Variants in RNF216 observed in about 807,000 individuals in gnomAD.
RNF216 encodes the protein E3 ubiquitin-protein ligase RNF216.
RNF216 carries 72 observed loss-of-function variants against 110.8 expected under a neutral mutation model. The observed-to-expected ratio is 0.65, with a 90% CI of 0.54 to 0.79. The LOEUF (loss-of-function observed/expected upper bound fraction) is 0.79. Ranked by LOEUF, RNF216 falls within the 30% of genes least tolerant of loss-of-function variation. The probability of loss-of-function intolerance (pLI) is 0.00; values close to 1 mark genes in which losing one functional copy is unlikely to be tolerated. For missense variants in RNF216, 1,342 were observed against 1,141.2 expected (o/e 1.18, Z -2.54); for synonymous variants, 495 against 407.5 (o/e 1.21, Z -2.59).
At chr7:5,757,257 T>G (rs966339302) in intron 2 of RNF216, among the ~76,000 whole-genome samples, 1 of 152,222 alleles carries the variant, frequency 6.6e-6, no homozygotes, top group South Asian at 2.1e-4. Context: ...CTGCCAATTT[T>G]TGCTTTGTAT....
At chr7:5,672,147 G>A (rs1789961277) in intron 13 of RNF216, among the ~76,000 whole-genome samples, 1 of 152,198 alleles carries the variant, frequency 6.6e-6, no homozygotes, top group Admixed American at 6.5e-5. Flanking sequence ...ATACATGTTG[G>A]AGACGTTAAG....
chr7:5,653,331 C>T (rs1788512466), intron 13 of RNF216, among the ~76,000 whole-genome samples: 1 of 152,068 alleles, frequency 6.6e-6, no homozygotes, highest in Admixed American at 6.6e-5. Context: ...TGGCTCACAC[C>T]TGTAATCCCA....
At position 5,652,490 on chromosome 7, in the gene RNF216, C is replaced by G; in HGVS notation, c.2082G>C (p.Gln694His). 1 of 1,613,646 alleles carries G rather than the reference C, an allele frequency of 6.2e-7. No individual in the cohort carries two copies. The highest frequency in any genetic ancestry group is 8.5e-7 in the Non-Finnish European group (1 of 1,179,586). The change falls in exon 14 of 17, where the codon CAG (glutamine) becomes CAC (histidine). Residue 694 changes from glutamine (Q) to histidine (H), a missense_variant. Gln to His is a conservative substitution (Grantham distance 24). Transcript: ENST00000389902. ...GGCCATTATGTTCTTTCCAGAGTCC[C>G]TGACACTTCCTACAGGTTTCCTGGG... The part of the protein sequence containing the change: ...HCRKETCRKC[Q>H]GLWKEHNGLT...
intron 7 of RNF216, among the ~76,000 whole-genome samples, chr7:5,727,787 T>A (rs968441551): frequency 5.0e-4 from 76 of 151,898 alleles, no homozygotes; most frequent in Non-Finnish European, 1.0e-3. Context: ...GTCTCTCAAC[T>A]TCCTCCTTCC....
chr7:5,632,830 CCTATGGAT>C (rs1787156755), intron 15 of RNF216, among the ~76,000 whole-genome samples: 1 of 152,132 alleles, frequency 6.6e-6, no homozygotes, highest in Admixed American at 6.5e-5. Flanking sequence ...AGAAGGTGTA[CCTATGGAT>C]CACAGTGGGA....
chr7:5,641,425 A>C (rs1219297873), intron 14 of RNF216, 49 bp from the exon 15 acceptor site: 5 of 1,418,116 alleles, frequency 3.5e-6, no homozygotes, highest in African/African-American at 1.4e-5. Flanking sequence ...ATGAGGAGGA[A>C]AAAAATATGG....
At chr7:5,679,884 C>T (rs1790540322) in intron 13 of RNF216, among the ~76,000 whole-genome samples, 3 of 152,198 alleles carry the variant, frequency 2.0e-5, no homozygotes, top group Admixed American at 2.0e-4. Context: ...GCCAGAGTCC[C>T]TGGGCAGGTG....
chr7:5,723,531 C>T (rs965715395), intron 8 of RNF216, among the ~76,000 whole-genome samples: 17 of 151,706 alleles, frequency 1.1e-4, no homozygotes, highest in African/African-American at 4.1e-4. Flanking sequence ...CCTGTAGTCC[C>T]AGCTACTCGG....
chr7:5,741,069 T>G lies in RNF216; in HGVS notation c.948A>C (p.Pro316=), dbSNP rs376626070. Residue 316 remains proline (P), a synonymous_variant, in exon 4 of 17, where the codon CCA becomes CCC. Transcript: ENST00000389902. ...SDDEEPGPAF[P]MQESQEPNLE... ...AATTGGGCTCTTGAGATTCTTGCAT[T>G]GGAAAGGCTGGACCTGGCTCTTCAT... 6.2e-7 allele frequency: 1 copy of G among 1,614,056 alleles called. No homozygotes were observed. Among genetic ancestry groups the G allele is most frequent in the African/African-American group, 1.3e-5 (1 of 74,914 alleles).
At chr7:5,654,268 A>G (rs1386647388) in intron 13 of RNF216, among the ~76,000 whole-genome samples, 1 of 152,150 alleles carries the variant, frequency 6.6e-6, no homozygotes, top group Non-Finnish European at 1.5e-5. Flanking sequence ...CCTTTTGTAC[A>G]TTCTGAATTT....
Position 5,721,172 on chromosome 7 carries a change from C to T in RNF216, c.1505G>A (p.Gly502Asp), listed in dbSNP as rs1317438535. Reference sequence around the variant, plus strand: ...CATCCTCTTTTCTATTTTTATGTCACCTAGAAGATATACGACAATGCAAAA... The same window carrying T: ...CATCCTCTTTTCTATTTTTATGTCATCTAGAAGATATACGACAATGCAAAA... The part of the protein sequence containing the change: ...YSYIDFKFEQ[G>D]DIKIEKRMFF... Residue 502 changes from glycine to aspartate, a missense_variant and splice_region_variant, in exon 9 of 17, where the codon GGT (glycine) becomes GAT (aspartate). Transcript: ENST00000389902. 1 of 1,613,640 alleles carries T rather than the reference C, an allele frequency of 6.2e-7. No individual in the cohort carries two copies. Among genetic ancestry groups the T allele is most frequent in the East Asian group, 2.2e-5 (1 of 44,888 alleles).
intron 13 of RNF216, among the ~76,000 whole-genome samples, chr7:5,654,588 G>A (rs1444190254): frequency 6.7e-6 from 1 of 150,042 alleles, no homozygotes; most frequent in African/African-American, 2.5e-5. Context: ...TTGGGAGGCT[G>A]AGGCAGGAGA....
At chr7:5,757,472 T>A (rs907715373) in intron 2 of RNF216, among the ~76,000 whole-genome samples, 2 of 152,152 alleles carry the variant, frequency 1.3e-5, no homozygotes, top group African/African-American at 4.8e-5. Flanking sequence ...AAAATTTTTT[T>A]AAATCTTTAT....
chr7:5,681,061 C>A (rs1039990873), intron 13 of RNF216, among the ~76,000 whole-genome samples: 1 of 152,174 alleles, frequency 6.6e-6, no homozygotes, highest in Non-Finnish European at 1.5e-5. Context: ...CCTTCCCACA[C>A]TGGGGTCTCA....
chr7:5,755,724 G>C (rs1484669958), intron 2 of RNF216, among the ~76,000 whole-genome samples: 1 of 152,196 alleles, frequency 6.6e-6, no homozygotes, highest in South Asian at 2.1e-4. Context: ...GTATGTGGCA[G>C]TTTAGGCTAC....
intron 8 of RNF216, 86 bp downstream of exon 8, chr7:5,725,238 C>A (rs1312526151): frequency 1.1e-5 from 9 of 805,304 alleles, no homozygotes; most frequent in African/African-American, 1.7e-5. Flanking sequence ...CAGCAGACAC[C>A]TGTAGCACGG....
intron 1 of RNF216, among the ~76,000 whole-genome samples, chr7:5,764,776 A>G (rs1796114327): frequency 6.6e-6 from 1 of 152,180 alleles, no homozygotes; most frequent in African/African-American, 2.4e-5. Context: ...TTTCAAGAGT[A>G]AGGGTAGCGG....
At position 5,622,777 on chromosome 7, in the gene RNF216, AG is replaced by A. The variant is rs1786451880; in HGVS notation, c.*82del. On this transcript the variant is annotated 3_prime_UTR_variant, in exon 17 of 17. Coordinates refer to ENST00000389902, the MANE Select transcript of RNF216 (RefSeq NM_207111.4). ...AAGCTGACTTAGGATGCAATGGTACAGACACCAGCCTTGGGGGAGGGTTCTC... is the reference window on the plus strand; with the variant it reads ...AAGCTGACTTAGGATGCAATGGTACAACACCAGCCTTGGGGGAGGGTTCTC... 8.0e-6 allele frequency: 11 copies of A among 1,372,332 alleles called. No individual in the cohort carries two copies. The South Asian group carries it at 1.4e-4, about 18-fold the overall frequency. The allele number at this position is 1,372,332 out of a possible 1,614,324, so 85.0% of individuals were successfully genotyped here. A position where few individuals can be genotyped will look rare whatever the true frequency, so the allele number is the denominator to read the frequency against.
At position 5,641,172 on chromosome 7, in the gene RNF216, A is replaced by G. The variant is rs998021154; in HGVS notation, c.2364T>C (p.Ser788=). ...GAPCQECSRC[S]LWTDPTEDDE... ...TACTTACAGTGGGATCGGTCCAGAG[A>G]GAGCATCTTGAACACTCCTGGCAAG... The change falls in exon 15 of 17, where the codon TCT becomes TCC. Residue 788 remains serine, a synonymous_variant. Transcript: ENST00000389902. The G allele has an allele frequency of 1.9e-6, 3 of 1,613,862 alleles. No individual in the cohort carries two copies.
Sources: gnomAD v4.1 joint callset for allele counts (sites outside exome capture counted in the v4.1 genomes callset) on GRCh38, gnomAD v4.1.1 for gene constraint, MANE v1.5 for transcripts, NCBI Gene and HGNC (gene_info 2026-07-23, HGNC 2026-07-21) for gene names.